KLHL29: variants seen among roughly 807,000 people sequenced by gnomAD.
The protein encoded by KLHL29 is kelch-like protein 29.
KLHL29 carries 21 observed loss-of-function variants against 80.4 expected under a neutral mutation model. The ratio of observed to expected loss-of-function variants is 0.26; its 90% CI spans 0.19 to 0.38. The LOEUF is 0.38. Among genes scored for constraint, KLHL29 ranks in the 10% least tolerant of loss-of-function variants. The pLI, the probability that KLHL29 is intolerant of heterozygous loss-of-function variation, is 1.00. For missense variants in KLHL29, 867 were observed against 1,223.9 expected (o/e 0.71, Z 4.35); for synonymous variants, 511 against 526.8 (o/e 0.97, Z 0.41).
intron 3 of KLHL29, among the ~76,000 whole-genome samples, chr2:23,565,530 C>G (rs978314938): frequency 2.0e-5 from 3 of 152,116 alleles, no homozygotes; most frequent in Non-Finnish European, 4.4e-5. Context: ...GGGAAGAGGC[C>G]GTCTAGCGGG....
At chr2:23,442,624 A>C (rs780074382) in intron 1 of KLHL29, among the ~76,000 whole-genome samples, 1 of 152,194 alleles carries the variant, frequency 6.6e-6, no homozygotes, top group Non-Finnish European at 1.5e-5. Flanking sequence ...CAGCCAAGTG[A>C]GACTCTTGTT....
chr2:23,479,300 C>T (rs1299091243), intron 2 of KLHL29, among the ~76,000 whole-genome samples: 1 of 151,988 alleles, frequency 6.6e-6, no homozygotes, highest in Non-Finnish European at 1.5e-5. Flanking sequence ...CAGCCCTACA[C>T]AGGCATCATT....
chr2:23,422,813 A>G (rs563868246), intron 1 of KLHL29, among the ~76,000 whole-genome samples: 1 of 152,048 alleles, frequency 6.6e-6, no homozygotes, highest in Non-Finnish European at 1.5e-5. Context: ...TGCAGTCTGC[A>G]TGTGCAGGTG....
chr2:23,527,326 A>T (rs1666357786), intron 2 of KLHL29, among the ~76,000 whole-genome samples: 1 of 151,994 alleles, frequency 6.6e-6, no homozygotes, highest in Non-Finnish European at 1.5e-5. Flanking sequence ...CACGCCCCCC[A>T]GCCACCCCAG....
At chr2:23,431,544 A>G (rs2339751) in intron 1 of KLHL29, among the ~76,000 whole-genome samples, 15,748 of 152,204 alleles carry the variant, frequency 0.1, 1,614 homozygotes, top group East Asian at 0.29. Flanking sequence ...TGCCGTGAAC[A>G]TGGGCAGTGG....
At position 23,695,983 on chromosome 2, in the gene KLHL29, C is replaced by T. The variant is rs1294777417; in HGVS notation, c.1774C>T (p.Arg592Cys). The change falls in exon 10 of 14, where the codon CGT becomes TGT. Residue 592 changes from arginine to cysteine, a missense_variant. By Grantham distance (180) the Arg-to-Cys change is radical. This residue lies in a region of KLHL29 where 443 missense variants were observed against 767.0 expected (regional missense o/e 0.58). Transcript: ENST00000486442. This position sits in a 1 kb window ranked among gnomAD's most constrained non-coding sequence, Gnocchi z 7.6. The part of the protein sequence containing the change: ...VAEVIVLVGG[R>C]QMVGMTQRSL... The stretch of plus-strand genomic sequence containing the variant: ...TGAGGTCATCGTCTTGGTTGGGGGC[C>T]GTCAGATGGTGGGGATGACCCAGCG... 3.2e-6 allele frequency: 5 copies of T among 1,551,414 alleles called. No homozygotes were observed. Among genetic ancestry groups the T allele is most frequent in the Non-Finnish European group, 4.4e-6 (5 of 1,146,948 alleles).
intron 2 of KLHL29, chr2:23,524,376 AGG>A: frequency 5.6e-6 from 1 of 179,112 alleles, no homozygotes; most frequent in Non-Finnish European, 1.2e-5. Flanking sequence ...AAATACCTTT[AGG>A]TCCTGCCCCG....
chr2:23,619,311 A>T (rs569754507), intron 3 of KLHL29, among the ~76,000 whole-genome samples: 1 of 152,182 alleles, frequency 6.6e-6, no homozygotes, highest in South Asian at 2.1e-4. Context: ...CTTCTCCTGC[A>T]GTGTGAAGGG....
intron 1 of KLHL29, among the ~76,000 whole-genome samples, chr2:23,474,905 T>A (rs1216717806): frequency 6.6e-6 from 1 of 152,030 alleles, no homozygotes; most frequent in Non-Finnish European, 1.5e-5. Flanking sequence ...TTTCCCGTTG[T>A]GAAGATGGCT....
chr2:23,533,856 A>C (rs1324011118), intron 2 of KLHL29, among the ~76,000 whole-genome samples: 2 of 152,210 alleles, frequency 1.3e-5, no homozygotes, highest in African/African-American at 4.8e-5. Flanking sequence ...TGTATCAATA[A>C]GACTGCTTTC....
At chr2:23,410,562 A>G (rs1474246782) in intron 1 of KLHL29, among the ~76,000 whole-genome samples, 1 of 152,176 alleles carries the variant, frequency 6.6e-6, no homozygotes, top group Non-Finnish European at 1.5e-5. Flanking sequence ...AGGAGACATC[A>G]GGGCCAGAGA....
At chr2:23,586,338 C>A (rs888606450) in intron 3 of KLHL29, among the ~76,000 whole-genome samples, 2 of 150,690 alleles carry the variant, frequency 1.3e-5, no homozygotes, top group African/African-American at 2.5e-5. Flanking sequence ...GCCTCCCCCC[C>A]ATTCCTTCTA....
chr2:23,681,577 G>A lies in KLHL29; in HGVS notation c.941-2822G>A, dbSNP rs988764229. On this transcript the variant is annotated intron_variant, in intron 5 of 13. Transcript: ENST00000486442. This position sits in a 1 kb window ranked among gnomAD's most constrained non-coding sequence, Gnocchi z 4.2. ...CTGATTAACTCAGCAGGCATGTGGG[G>A]CCACATCTGTCACTCTCTGCAGCAT... Among the ~76,000 whole-genome samples the A allele has an allele frequency of 1.3e-5, 2 of 152,144 alleles. No individual in the cohort carries two copies. Among genetic ancestry groups the A allele is most frequent in the Admixed American group, 6.5e-5 (1 of 15,286 alleles).
At chr2:23,661,578 A>T (rs1234396565) in intron 5 of KLHL29, among the ~76,000 whole-genome samples, 1 of 152,214 alleles carries the variant, frequency 6.6e-6, no homozygotes. Flanking sequence ...GAACAAGAGT[A>T]TGTAATCCTG....
At chr2:23,490,429 G>A (rs1665064308) in intron 2 of KLHL29, among the ~76,000 whole-genome samples, 1 of 152,202 alleles carries the variant, frequency 6.6e-6, no homozygotes, top group Non-Finnish European at 1.5e-5. Context: ...TAGGCTAGTG[G>A]AATTAAAACC....
At position 23,700,639 on chromosome 2, in the gene KLHL29, C is replaced by G. The variant is rs1320697977; in HGVS notation, c.2106-2547C>G. On this transcript the variant is annotated intron_variant, in intron 11 of 13. Coordinates refer to ENST00000486442, the MANE Select transcript of KLHL29 (RefSeq NM_052920.2). The surrounding 1 kb of genome is among the most constrained non-coding windows in gnomAD (Gnocchi z 4.6). ...ATTCATCAGCATTCCATTGACCCCT[C>G]TCAGCTCCGGATTCTTTTCTAGGTC... Among the ~76,000 whole-genome samples the G allele has an allele frequency of 6.6e-6, 1 of 152,252 alleles. No individual in the cohort carries two copies. The highest frequency in any genetic ancestry group is 2.4e-5 in the African/African-American group (1 of 41,472).
intron 1 of KLHL29, among the ~76,000 whole-genome samples, chr2:23,404,799 G>C (rs1666686049): frequency 6.6e-6 from 1 of 152,224 alleles, no homozygotes; most frequent in South Asian, 2.1e-4. Flanking sequence ...TTCCCAGAAT[G>C]ACTGGGGACC....
At chr2:23,513,796 TA>T (rs1665847001) in intron 2 of KLHL29, among the ~76,000 whole-genome samples, 1 of 152,096 alleles carries the variant, frequency 6.6e-6, no homozygotes, top group African/African-American at 2.4e-5. Context: ...CAAGAGGGCC[TA>T]AAAACCCCAA....
chr2:23,508,018 G>A (rs1572364749), intron 2 of KLHL29, among the ~76,000 whole-genome samples: 2 of 152,180 alleles, frequency 1.3e-5, no homozygotes, highest in South Asian at 2.1e-4. Flanking sequence ...TCCTAGGGAC[G>A]GCTCCTGGTT....
Sources: gnomAD v4.1 joint callset for allele counts (sites outside exome capture counted in the v4.1 genomes callset) on GRCh38, gnomAD v4.1.1 for gene constraint, gnomAD v4.1.1 regional missense constraint, Gnocchi (gnomAD v3.1) non-coding constraint, MANE v1.5 for transcripts, NCBI Gene and HGNC (gene_info 2026-07-23, HGNC 2026-07-21) for gene names.